Variants in NCBP1 observed in about 807,000 individuals in gnomAD.
NCBP1 encodes nuclear cap binding protein subunit 1, also known as nuclear cap-binding protein subunit 1.
A neutral mutation model predicts 111.7 loss-of-function variants in NCBP1; 16 were observed. The observed-to-expected ratio is 0.14, with a 90% CI of 0.10 to 0.22. The LOEUF is 0.22. NCBP1 is among the 10% of genes least tolerant of loss of function. The pLI is 1.00. For synonymous variants in NCBP1, 304 were observed against 314.3 expected (o/e 0.97, Z 0.35); for missense variants, 607 against 957.5 (o/e 0.63, Z 4.83).
chr9:97,647,015 C>T (rs1827361337), intron 6 of NCBP1, among the ~76,000 whole-genome samples: 1 of 149,850 alleles, frequency 6.7e-6, no homozygotes, highest in African/African-American at 2.5e-5. Flanking sequence ...TTCTTTTTAA[C>T]AGTTGTAGGG....
Position 97,647,603 on chromosome 9 carries a change from T to A in NCBP1, c.681+42T>A, listed in dbSNP as rs1400156923. On this transcript the variant is annotated intron_variant, in intron 7 of 22. Coordinates refer to ENST00000375147, the MANE Select transcript of NCBP1 (RefSeq NM_002486.5). ...CCCTTGTGATACAAACACAGTCAGCTCTTGAATAGATTCTTATCTCTGTAA... is the reference window on the plus strand; with the variant it reads ...CCCTTGTGATACAAACACAGTCAGCACTTGAATAGATTCTTATCTCTGTAA... 4.1e-6 allele frequency: 6 copies of A among 1,471,428 alleles called. No individual in the cohort carries two copies. In the Admixed American group the frequency reaches 8.5e-5, roughly 21 times the overall value. 91.1% of individuals were successfully genotyped at this position (1,471,428 alleles called of 1,614,324 possible).
At chr9:97,660,765 C>G (rs1827811741) in intron 15 of NCBP1, among the ~76,000 whole-genome samples, 181 bp from the exon 16 acceptor site, 1 of 152,062 alleles carries the variant, frequency 6.6e-6, no homozygotes, top group African/African-American at 2.4e-5. Context: ...AAACCATTAA[C>G]CTATTAGAAA....
At chr9:97,636,424 CTATA>C (rs889502702) in intron 1 of NCBP1, among the ~76,000 whole-genome samples, 4 of 147,910 alleles carry the variant, frequency 2.7e-5, no homozygotes, top group Non-Finnish European at 4.5e-5. Context: ...GCTTGACTCT[CTATA>C]TATAGAGTGT....
In NCBP1 at chr9:97,662,990, T is replaced by C; in HGVS notation, c.1740T>C (p.Asp580=). ...HEVFKTLAES[D]EGKLHVLRVM... is the part of the protein sequence containing the mutation. ...TCTTCAAAACCCTAGCTGAAAGTGA[T>C]GAAGGAAAGTTACATGTGCTAAGAG... Residue 580 remains aspartate (D), a synonymous_variant, in exon 18 of 23, where the codon GAT becomes GAC. Coordinates refer to ENST00000375147, the MANE Select transcript of NCBP1 (RefSeq NM_002486.5). The C allele has an allele frequency of 1.9e-6, 3 of 1,613,226 alleles. No individual in the cohort carries two copies. Among genetic ancestry groups the C allele is most frequent in the African/African-American group, 1.3e-5 (1 of 74,982 alleles).
Position 97,656,017 on chromosome 9 carries a change from T to C in NCBP1, c.1305T>C (p.Asp435=). The stretch of plus-strand genomic sequence containing the variant: ...AACTACATTTCCTCCTTAGGTCAGA[T>C]TGTCTTAGTCAAGATCCTGAAAGTC... The part of the protein sequence containing the change: ...QFRWSWEDWS[D]CLSQDPESPK... Residue 435 remains aspartate (D), a synonymous_variant, in exon 14 of 23, where the codon GAT becomes GAC. Coordinates refer to ENST00000375147, the MANE Select transcript of NCBP1 (RefSeq NM_002486.5). 1.2e-6 allele frequency: 2 copies of C among 1,613,600 alleles called. No individual in the cohort carries two copies. Among genetic ancestry groups the C allele is most frequent in the African/African-American group, 2.7e-5 (2 of 75,032 alleles).
At chr9:97,661,890 C>G in intron 16 of NCBP1, 152 bp from the exon 17 acceptor site, 2 of 475,282 alleles carry the variant, frequency 4.2e-6, no homozygotes, top group Non-Finnish European at 3.7e-6. Context: ...TGTTTGAAAT[C>G]AGTGACGGTC....
intron 17 of NCBP1, 57 bp downstream of exon 17, chr9:97,662,201 A>G: frequency 8.1e-7 from 1 of 1,235,498 alleles, no homozygotes; most frequent in South Asian, 1.2e-5. Context: ...GGTGAACACC[A>G]GTGGTATGGT....
At chr9:97,655,489 G>T (rs940248634) in intron 12 of NCBP1, among the ~76,000 whole-genome samples, 1 of 152,084 alleles carries the variant, frequency 6.6e-6, no homozygotes, top group Non-Finnish European at 1.5e-5. Context: ...AACATGTTAG[G>T]TGCCCGCACA....
intron 3 of NCBP1, among the ~76,000 whole-genome samples, chr9:97,642,346 G>C (rs1364295587): frequency 6.6e-6 from 1 of 151,980 alleles, no homozygotes; most frequent in African/African-American, 2.4e-5. Flanking sequence ...GGTTTTGGGA[G>C]GGTTTCAGGG....
At chr9:97,641,186 A>G (rs935517014) in intron 2 of NCBP1, among the ~76,000 whole-genome samples, 1 of 152,146 alleles carries the variant, frequency 6.6e-6, no homozygotes, top group African/African-American at 2.4e-5. Flanking sequence ...GCCCAGAGTA[A>G]GAGAGTGAAT....
intron 8 of NCBP1, among the ~76,000 whole-genome samples, chr9:97,648,948 C>T (rs779822718): frequency 6.6e-6 from 1 of 152,168 alleles, no homozygotes; most frequent in Non-Finnish European, 1.5e-5. Context: ...GCAATTCGTC[C>T]GCTTCGTTTT....
chr9:97,635,591 T>G (rs1171025127), intron 1 of NCBP1, among the ~76,000 whole-genome samples: 1 of 152,024 alleles, frequency 6.6e-6, no homozygotes, highest in Non-Finnish European at 1.5e-5. Context: ...TTTTTTTGTT[T>G]TTGTATTTTT....
At chr9:97,641,495 T>C (rs892021503) in intron 2 of NCBP1, 67 bp from the exon 3 acceptor site, 2 of 1,217,620 alleles carry the variant, frequency 1.6e-6, no homozygotes, top group Non-Finnish European at 2.2e-6. Flanking sequence ...TACATTTAAA[T>C]AGATTTTTAA....
chr9:97,636,670 AT>A (rs1564015958), intron 1 of NCBP1, among the ~76,000 whole-genome samples: 15 of 139,548 alleles, frequency 1.1e-4, no homozygotes, highest in East Asian at 6.2e-4. Context: ...ATATATATAT[AT>A]ATAAAATCAT....
intron 1 of NCBP1, among the ~76,000 whole-genome samples, chr9:97,635,490 A>C (rs1415413347): frequency 1.3e-5 from 2 of 148,890 alleles, no homozygotes; most frequent in East Asian, 3.9e-4. Context: ...GGCTTACTGC[A>C]ACCTCCGCCT....
intron 1 of NCBP1, among the ~76,000 whole-genome samples, chr9:97,637,078 TGAGTGAGGGG>T (rs1229516490): frequency 6.6e-6 from 1 of 151,614 alleles, no homozygotes; most frequent in Non-Finnish European, 1.5e-5. Context: ...TGGAGCAGAG[TGAGTGAGGGG>T]GAAGTTGTAG....
intron 17 of NCBP1, 50 bp downstream of exon 17, chr9:97,662,194 G>A (rs1827859495): frequency 2.3e-6 from 3 of 1,316,520 alleles, no homozygotes; most frequent in Non-Finnish European, 2.2e-6. Flanking sequence ...TTTGCTTGGT[G>A]AACACCAGTG....
intron 1 of NCBP1, 68 bp downstream of exon 1, chr9:97,633,983 G>A (rs1826912524): frequency 1.4e-6 from 2 of 1,473,370 alleles, no homozygotes; most frequent in Admixed American, 2.2e-5. Flanking sequence ...GTCTTTGGGT[G>A]TCCACGGAAG....
chr9:97,652,972 T>C (rs1827540384), intron 10 of NCBP1, among the ~76,000 whole-genome samples: 1 of 152,086 alleles, frequency 6.6e-6, no homozygotes, highest in African/African-American at 2.4e-5. Flanking sequence ...GTCCACCAAT[T>C]ATACAGAGAG....
Sources: gnomAD v4.1 joint callset for allele counts (sites outside exome capture counted in the v4.1 genomes callset) on GRCh38, gnomAD v4.1.1 for gene constraint, MANE v1.5 for transcripts, NCBI Gene and HGNC (gene_info 2026-07-23, HGNC 2026-07-21) for gene names.